Variants in HABP2 observed in about 807,000 individuals in gnomAD.
HABP2 encodes the protein hyaluronan binding protein 2, also known as factor VII-activating protease.
HABP2 carries 65 observed loss-of-function variants against 66.5 expected under a neutral mutation model. The ratio of observed to expected loss-of-function variants is 0.98; its 90% confidence interval spans 0.80 to 1.20. The LOEUF (loss-of-function observed/expected upper bound fraction) is 1.20. Ranked by LOEUF, HABP2 falls within the 50% of genes most tolerant of loss-of-function variation. The probability of loss-of-function intolerance (pLI) is 0.00; values close to 1 mark genes in which losing one functional copy is unlikely to be tolerated. For synonymous variants in HABP2, 263 were observed against 253.9 expected, an observed-to-expected ratio of 1.04 and a Z score of -0.34; for missense variants, 786 against 691.0, an observed-to-expected ratio of 1.14 and a Z score of -1.54.
At chr10:113,573,935 A>G (rs3740532) in intron 2 of HABP2, among the ~76,000 whole-genome samples, 26,183 of 152,174 alleles carry the variant, frequency 0.17, 2,469 homozygotes, top group East Asian at 0.31. Context: ...CTAGGTCCCA[A>G]TCCTCTTCCT....
At chr10:113,555,755 C>CT (rs34073702) in intron 1 of HABP2, among the ~76,000 whole-genome samples, 4 of 152,216 alleles carry the variant, frequency 2.6e-5, no homozygotes, top group Non-Finnish European at 5.9e-5. Flanking sequence ...ATCATTATCC[C>CT]TGTTTTATGG....
intron 5 of HABP2, 25 bp downstream of exon 5, chr10:113,577,291 G>C: frequency 8.4e-7 from 1 of 1,194,536 alleles, no homozygotes; most frequent in Non-Finnish European, 1.3e-6. Flanking sequence ...CCCCTTCGAC[G>C]CTAGACTTTC....
Position 113,574,324 on chromosome 10 carries a change from G to A in HABP2, c.142G>A (p.Asp48Asn). 1 of 1,606,010 alleles carries A rather than the reference G, an allele frequency of 6.2e-7. No individual in the cohort carries two copies. Among genetic ancestry groups the A allele is most frequent in the Non-Finnish European group, 8.5e-7 (1 of 1,172,502 alleles). Residue 48 changes from aspartate to asparagine, a missense_variant, in exon 3 of 13, where the codon GAT becomes AAT. Asp to Asn is a conservative substitution (Grantham distance 23, BLOSUM62 1). Transcript: ENST00000351270. ...TPDQYDYSYE[D>N]YNQEENTSST... ...TGACCAGTATGATTACAGCTACGAG[G>A]ATTATAATCAGGAAGAGAACACCAG... is the stretch of plus-strand genomic sequence containing the variant.
rs1845572538 is a variant in HABP2 at position 113,583,215 on chromosome 10, G to A, written c.1095-1G>A. 1 of 1,613,528 alleles carries A rather than the reference G, an allele frequency of 6.2e-7. No individual in the cohort carries two copies. Among genetic ancestry groups the A allele is most frequent in the African/African-American group, 1.3e-5 (1 of 74,882 alleles). On this transcript the variant is annotated splice_acceptor_variant, in intron 9 of 12. Transcript: ENST00000351270. LOFTEE classifies it high-confidence loss of function. ...CCTGACCATCTCATTTTCCCTTGCA[G>A]CATAAAAACCAGACATCTAAAGGTG...
rs969802310 is a variant in HABP2, at chr10:113,574,211, G to T, written c.107-78G>T. 11 of 751,990 alleles carry T rather than the reference G, an allele frequency of 1.5e-5. No homozygotes were observed. In the East Asian group the frequency reaches 2.0e-4, roughly 14 times the overall value. 46.6% of individuals were successfully genotyped at this position (751,990 alleles called of 1,614,324 possible). A position where few individuals can be genotyped will look rare whatever the true frequency, so the allele number is the denominator to read the frequency against. On this transcript the variant is annotated intron_variant, in intron 2 of 12. Transcript: ENST00000351270. Reference sequence around the variant, plus strand: ...AGGACTTTGAATTCTTTGGGGAAAAGGTGTCCAACTAAATAAAATGCTGGC... The same window carrying T: ...AGGACTTTGAATTCTTTGGGGAAAATGTGTCCAACTAAATAAAATGCTGGC...
At chr10:113,560,791 C>T (rs747217407) in intron 1 of HABP2, among the ~76,000 whole-genome samples, 8 of 152,148 alleles carry the variant, frequency 5.3e-5, no homozygotes, top group South Asian at 2.1e-4. Context: ...TGTAGGATTC[C>T]GCTTCCATGA....
At chr10:113,551,057 C>T (rs1364697861), upstream of HABP2, 1 of 152,176 alleles carries the variant, frequency 6.6e-6, no homozygotes, top group East Asian at 1.9e-4. Flanking sequence ...TCCAGTTTTT[C>T]CTTTCACATT....
chr10:113,586,832 C>T (rs1232435905), intron 12 of HABP2, among the ~76,000 whole-genome samples: 2 of 152,194 alleles, frequency 1.3e-5, no homozygotes, highest in Admixed American at 1.3e-4. Context: ...TACAAAGGAA[C>T]CCACAATGAT....
At chr10:113,579,471 C>T (rs1845479784) in intron 7 of HABP2, among the ~76,000 whole-genome samples, 1 of 152,204 alleles carries the variant, frequency 6.6e-6, no homozygotes, top group Non-Finnish European at 1.5e-5. Flanking sequence ...GAAATAATCA[C>T]ATGAGCCCAC....
At chr10:113,552,258 G>A (rs1327663814), upstream of HABP2, among the ~76,000 whole-genome samples, 1 of 152,192 alleles carries the variant, frequency 6.6e-6, no homozygotes, top group East Asian at 1.9e-4. Flanking sequence ...TGGAACCCAG[G>A]CATAGATTTC....
At chr10:113,574,758 T>C (rs1327219073) in intron 3 of HABP2, among the ~76,000 whole-genome samples, 1 of 152,192 alleles carries the variant, frequency 6.6e-6, no homozygotes, top group African/African-American at 2.4e-5. Flanking sequence ...AGATTACAGG[T>C]CAGACCCTAA....
Position 113,589,585 on chromosome 10 carries a change from A to T in HABP2, c.*1216A>T, listed in dbSNP as rs1256364418. 6.5e-7 allele frequency: 1 copy of T among 1,529,832 alleles called. No individual in the cohort carries two copies. The highest frequency in any genetic ancestry group is 1.4e-5 in the African/African-American group (1 of 72,060). 94.8% of individuals were successfully genotyped at this position (1,529,832 alleles called of 1,614,324 possible). ...AGAGCTAGCTGACCTTTGGCCAAAA[A>T]TAAACTTTGAAAAGAAACAATGAGT... On this transcript the variant is annotated 3_prime_UTR_variant, in exon 13 of 13. Coordinates refer to ENST00000351270, the MANE Select transcript of HABP2 (RefSeq NM_004132.5).
chr10:113,567,500 G>A lies in HABP2; in HGVS notation c.81G>A (p.Met27Ile). Residue 27 changes from methionine (M) to isoleucine (I), a missense_variant, in exon 2 of 13, where the codon ATG (methionine) becomes ATA (isoleucine). By Grantham distance (10) the Met-to-Ile change is conservative. Coordinates refer to ENST00000351270, the MANE Select transcript of HABP2 (RefSeq NM_004132.5). Reference protein sequence around the residue: ...VGKTACGFSLMSLLESLDPDW... With the variant: ...VGKTACGFSLISLLESLDPDW... ...GTTTTGTTTTTCAGTTCTCCCTGAT[G>A]TCTTTATTGGAAAGCCTGGACCCAG... 4 of 1,612,530 alleles carry A rather than the reference G, an allele frequency of 2.5e-6. No individual in the cohort carries two copies. The highest frequency in any genetic ancestry group is 1.7e-4 in the Middle Eastern group (1 of 6,058).
intron 2 of HABP2, among the ~76,000 whole-genome samples, chr10:113,568,549 G>T (rs1845243645): frequency 6.6e-6 from 1 of 152,048 alleles, no homozygotes; most frequent in South Asian, 2.1e-4. Context: ...TGGTGTGTGG[G>T]GTTTTGAGAA....
In HABP2 at chr10:113,578,679, T is replaced by C; in HGVS notation, c.621T>C (p.Asn207=). The C allele has an allele frequency of 6.2e-7, 1 of 1,611,980 alleles. No homozygotes were observed. Among genetic ancestry groups the C allele is most frequent in the Non-Finnish European group, 8.5e-7 (1 of 1,178,202 alleles). ...GDGYSYRGKM[N]RTVNQHACLY... Reference sequence around the variant, plus strand: ...GCTACTCTTACCGAGGGAAAATGAATAGGACAGTCAACCAGCATGCGTGCC... The same window carrying C: ...GCTACTCTTACCGAGGGAAAATGAACAGGACAGTCAACCAGCATGCGTGCC... The change falls in exon 7 of 13, where the codon AAT becomes AAC. Residue 207 remains asparagine, a synonymous_variant. Coordinates refer to ENST00000351270, the MANE Select transcript of HABP2 (RefSeq NM_004132.5).
chr10:113,563,558 G>A (rs1401966361), intron 1 of HABP2, among the ~76,000 whole-genome samples: 1 of 132,488 alleles, frequency 7.5e-6, no homozygotes. Context: ...CAGGCTCCCC[G>A]AGAGCCCAGC....
intron 9 of HABP2, 98 bp from the exon 10 acceptor site, chr10:113,583,118 C>T (rs1845570897): frequency 2.0e-6 from 2 of 1,004,786 alleles, no homozygotes; most frequent in South Asian, 3.0e-5. Flanking sequence ...ACGAGGGTTA[C>T]AAATGAGGAG....
At position 113,589,373 on chromosome 10, in the gene HABP2, G is replaced by A. The variant is rs948306445; in HGVS notation, c.*1004G>A. On this transcript the variant is annotated 3_prime_UTR_variant, in exon 13 of 13. Coordinates refer to ENST00000351270, the MANE Select transcript of HABP2 (RefSeq NM_004132.5). The stretch of plus-strand genomic sequence containing the variant: ...CCCTTTCTGCGAATGTAACGAGCAA[G>A]CAGTCAGCACAGCCTGGGCTGCCCT... The A allele has an allele frequency of 3.5e-6, 2 of 566,528 alleles. No individual in the cohort carries two copies. The highest frequency in any genetic ancestry group is 6.2e-6 in the Non-Finnish European group (2 of 320,442). The allele number at this position is 566,528 out of a possible 1,614,324, so 35.1% of individuals were successfully genotyped here.
intron 2 of HABP2, 25 bp downstream of exon 2, chr10:113,567,550 CT>C: frequency 6.4e-7 from 1 of 1,569,804 alleles, no homozygotes; most frequent in Non-Finnish European, 8.8e-7. Flanking sequence ...CTCCCTGGGG[CT>C]TCCCACCAAT....
Sources: allele counts gnomAD v4.1 joint callset (sites outside exome capture counted in the v4.1 genomes callset), GRCh38; gene constraint gnomAD v4.1.1; transcripts MANE v1.5; gene names NCBI Gene and HGNC (gene_info 2026-07-23, HGNC 2026-07-21).